The following MARCHF1 variants were observed in gnomAD, a reference collection of about 807,000 sequenced individuals.
MARCHF1 encodes the protein membrane associated ring-CH-type finger 1, also known as E3 ubiquitin-protein ligase MARCHF1.
A neutral mutation model predicts 54.2 loss-of-function variants in MARCHF1; 40 were observed. That is an observed-to-expected ratio of 0.74 (90% CI 0.57 to 0.96). The LOEUF (loss-of-function observed/expected upper bound fraction) is 0.96, where lower values mean the gene tolerates loss of function less well. Ranked by LOEUF, MARCHF1 falls within the 40% of genes least tolerant of loss-of-function variation. The pLI is 0.00. For synonymous variants in MARCHF1, 236 were observed against 236.3 expected, an observed-to-expected ratio of 1.00 and a Z score of 0.01; for missense variants, 586 against 656.5, an observed-to-expected ratio of 0.89 and a Z score of 1.17.
intron 2 of MARCHF1, among the ~76,000 whole-genome samples, chr4:164,062,771 G>A (rs141507383): frequency 0.014 from 2,056 of 152,206 alleles, 30 homozygotes; most frequent in African/African-American, 0.044. Flanking sequence ...TGATCCGCCC[G>A]CCTCGGCCTC....
At chr4:163,859,056 AT>A (rs1749849344) in intron 3 of MARCHF1, among the ~76,000 whole-genome samples, 1 of 152,172 alleles carries the variant, frequency 6.6e-6, no homozygotes, top group South Asian at 2.1e-4. Context: ...CCAATAAGTA[AT>A]TGTTGATGAT....
At chr4:163,928,041 G>A (rs77104900) in intron 3 of MARCHF1, among the ~76,000 whole-genome samples, 1 of 151,296 alleles carries the variant, frequency 6.6e-6, no homozygotes. Flanking sequence ...TGTTGAATGG[G>A]GTATATATAT....
chr4:163,533,927 C>T (rs946848323), intron 9 of MARCHF1, among the ~76,000 whole-genome samples: 1 of 151,846 alleles, frequency 6.6e-6, no homozygotes, highest in Non-Finnish European at 1.5e-5. Flanking sequence ...TGCAGTCTTG[C>T]ACAATAAATG....
At chr4:164,285,282 C>T (rs899687037) in intron 1 of MARCHF1, among the ~76,000 whole-genome samples, 1 of 152,042 alleles carries the variant, frequency 6.6e-6, no homozygotes, top group South Asian at 2.1e-4. Flanking sequence ...TGTGGCCCCA[C>T]TACTTAGAAG....
chr4:163,692,559 G>A (rs1406669878), intron 5 of MARCHF1, among the ~76,000 whole-genome samples: 5 of 151,678 alleles, frequency 3.3e-5, no homozygotes, highest in South Asian at 4.1e-4. Context: ...GAAAATTAGC[G>A]AGATACCACA....
intron 1 of MARCHF1, among the ~76,000 whole-genome samples, chr4:164,208,029 T>C (rs1293082435): frequency 1.3e-5 from 2 of 152,098 alleles, no homozygotes; most frequent in Non-Finnish European, 2.9e-5. Flanking sequence ...AGTAGAGCTT[T>C]CATGATAGGA....
At chr4:163,828,014 TACACACACAC>T (rs748460236) in intron 4 of MARCHF1, among the ~76,000 whole-genome samples, 137 of 124,564 alleles carry the variant, frequency 1.1e-3, no homozygotes, top group South Asian at 2.3e-3. Flanking sequence ...TGCGCAGGCA[TACACACACAC>T]ACACACACAC....
At chr4:163,821,769 T>C (rs531244699) in intron 4 of MARCHF1, among the ~76,000 whole-genome samples, 1 of 143,472 alleles carries the variant, frequency 7.0e-6, no homozygotes, top group South Asian at 2.3e-4. Flanking sequence ...CTCTTACATA[T>C]TGGCAACGTC....
intron 2 of MARCHF1, among the ~76,000 whole-genome samples, chr4:164,095,343 A>T (rs1246565836): frequency 6.6e-6 from 1 of 151,996 alleles, no homozygotes; most frequent in Non-Finnish European, 1.5e-5. Flanking sequence ...TGTGAGGATA[A>T]ATGAGGTAAT....
At chr4:164,240,608 C>T (rs1437833483) in intron 1 of MARCHF1, among the ~76,000 whole-genome samples, 10 of 152,022 alleles carry the variant, frequency 6.6e-5, no homozygotes, top group Non-Finnish European at 1.5e-5. Flanking sequence ...TCTTAGGTCC[C>T]ACCAACTGAA....
At chr4:163,771,865 C>T (rs1481886252) in intron 4 of MARCHF1, among the ~76,000 whole-genome samples, 1 of 152,186 alleles carries the variant, frequency 6.6e-6, no homozygotes, top group Non-Finnish European at 1.5e-5. Context: ...ACAAAGTACT[C>T]AGATACTTCA....
rs566926444 is a variant in MARCHF1, at chr4:164,308,850, G to T, written c.-323+75020C>A. 1.6e-4 allele frequency among the ~76,000 whole-genome samples: 24 copies of T among 151,768 alleles called. No individual in the cohort carries two copies. The South Asian group carries it at 4.6e-3, about 29-fold the overall frequency. On this transcript the variant is annotated intron_variant, in intron 1 of 9. Transcript: ENST00000514618. Reference sequence around the variant, plus strand: ...AGAAAAGCAGAAAAAAATAACTATTGAGTACAAGGCTTAGTGCCTGGTTGA... The same window carrying T: ...AGAAAAGCAGAAAAAAATAACTATTTAGTACAAGGCTTAGTGCCTGGTTGA...
At chr4:164,045,053 G>A (rs1754212227) in intron 2 of MARCHF1, among the ~76,000 whole-genome samples, 1 of 151,688 alleles carries the variant, frequency 6.6e-6, no homozygotes, top group Non-Finnish European at 1.5e-5. Flanking sequence ...TATATTAAAA[G>A]TCATACAACT....
chr4:163,922,280 G>A (rs1347038327), intron 3 of MARCHF1, among the ~76,000 whole-genome samples: 1 of 151,986 alleles, frequency 6.6e-6, no homozygotes, highest in Non-Finnish European at 1.5e-5. Context: ...GAGGTGATGG[G>A]TGCAGCACAC....
At chr4:163,986,205 C>T (rs1020310576) in intron 3 of MARCHF1, among the ~76,000 whole-genome samples, 1 of 143,674 alleles carries the variant, frequency 7.0e-6, no homozygotes, top group Non-Finnish European at 1.5e-5. Flanking sequence ...AGAAATTATA[C>T]GAAGGCTCAG....
At chr4:164,099,079 T>C (rs1755477661) in intron 2 of MARCHF1, among the ~76,000 whole-genome samples, 1 of 152,222 alleles carries the variant, frequency 6.6e-6, no homozygotes, top group African/African-American at 2.4e-5. Context: ...CATCAAAATG[T>C]TTTGATTCAC....
intron 4 of MARCHF1, among the ~76,000 whole-genome samples, chr4:163,760,952 T>C (rs1746810425): frequency 6.6e-6 from 1 of 152,170 alleles, no homozygotes; most frequent in African/African-American, 2.4e-5. Context: ...AACATCACGA[T>C]TAGTCCAACT....
chr4:164,381,953 C>T (rs1246321717), intron 1 of MARCHF1, among the ~76,000 whole-genome samples: 1 of 152,158 alleles, frequency 6.6e-6, no homozygotes, highest in Non-Finnish European at 1.5e-5. Flanking sequence ...TTGCTGACAA[C>T]CCCATAAGTC....
chr4:163,772,318 G>T (rs1344379421), intron 4 of MARCHF1, among the ~76,000 whole-genome samples: 2 of 152,136 alleles, frequency 1.3e-5, no homozygotes, highest in Non-Finnish European at 2.9e-5. Flanking sequence ...TGAACCCAGG[G>T]TATATTAGTT....
Sources: allele counts gnomAD v4.1 joint callset (sites outside exome capture counted in the v4.1 genomes callset), GRCh38; gene constraint gnomAD v4.1.1; transcripts MANE v1.5; gene names NCBI Gene and HGNC (gene_info 2026-07-23, HGNC 2026-07-21).